The following PCDHGB7 variants were observed in gnomAD, a reference collection of about 807,000 sequenced individuals.
PCDHGB7 encodes the protein protocadherin gamma-B7.
PCDHGB7 carries 37 observed loss-of-function variants against 61.4 expected under a neutral mutation model. The ratio of observed to expected loss-of-function variants is 0.60; its 90% CI spans 0.46 to 0.79. The LOEUF (loss-of-function observed/expected upper bound fraction) is 0.79, where lower values mean the gene tolerates loss of function less well. Among genes scored for constraint, PCDHGB7 ranks in the 30% least tolerant of loss-of-function variants. The pLI is 0.00. For synonymous variants in PCDHGB7, 464 were observed against 503.5 expected (o/e 0.92, Z 1.05); for missense variants, 1,166 against 1,202.5 (o/e 0.97, Z 0.45).
In PCDHGB7 at chr5:141,476,784, C is replaced by A; in HGVS notation, c.2416-18023C>A. 1 of 1,613,520 alleles carries A rather than the reference C, an allele frequency of 6.2e-7. No homozygotes were observed. On this transcript the variant is annotated intron_variant, in intron 1 of 3. Transcript: ENST00000398594. The surrounding 1 kb of genome is among the most constrained non-coding windows in gnomAD (Gnocchi z 7.6). ...ACGGCGTTGGACGGAGGGACCCCAGCTCTCTCCGCCAGCCTGCCTATTCAC... is the reference window on the plus strand; with the variant it reads ...ACGGCGTTGGACGGAGGGACCCCAGATCTCTCCGCCAGCCTGCCTATTCAC...
chr5:141,438,591 CATATATATATAT>C lies in PCDHGB7; in HGVS notation c.2415+18351_2415+18362del, dbSNP rs946798767. ...TCTGATATACATACATACATACATACATATATATATATATATATATATATATATATATATATA... is the reference window on the plus strand; with the variant it reads ...TCTGATATACATACATACATACATACATATATATATATATATATATATATA... On this transcript the variant is annotated intron_variant, in intron 1 of 3. Coordinates refer to ENST00000398594, the MANE Select transcript of PCDHGB7 (RefSeq NM_018927.4). Among the ~76,000 whole-genome samples the C allele has an allele frequency of 1.5e-4, 11 of 75,568 alleles. No homozygotes were observed. The East Asian group carries it at 2.8e-3, about 19-fold the overall frequency. The allele number at this position is 75,568 out of a possible 152,430, so 49.6% of individuals were successfully genotyped here.
chr5:141,509,497 G>A (rs1167178592), intron 3 of PCDHGB7, among the ~76,000 whole-genome samples: 1 of 152,196 alleles, frequency 6.6e-6, no homozygotes, highest in Non-Finnish European at 1.5e-5. Flanking sequence ...TGGCATGCTG[G>A]ATGTGACGGT....
intron 1 of PCDHGB7, chr5:141,421,708 C>T (rs2096594348): frequency 1.9e-6 from 3 of 1,613,780 alleles, no homozygotes; most frequent in South Asian, 2.2e-5. Flanking sequence ...TGCTAGGGAT[C>T]CAGATGTGGG....
chr5:141,499,921 C>A, intron 2 of PCDHGB7, among the ~76,000 whole-genome samples: 1 of 152,128 alleles, frequency 6.6e-6, no homozygotes, highest in Middle Eastern at 3.2e-3. Context: ...CTCCTGGCCT[C>A]AAGTGATCCA....
intron 1 of PCDHGB7, among the ~76,000 whole-genome samples, chr5:141,461,536 T>C (rs1424913303): frequency 1.3e-5 from 2 of 152,240 alleles, no homozygotes; most frequent in Non-Finnish European, 2.9e-5. Context: ...TTCTGGATAC[T>C]AGTCCTTTGT....
chr5:141,423,374 G>T (rs1356564295), intron 1 of PCDHGB7: 2 of 1,614,188 alleles, frequency 1.2e-6, no homozygotes, highest in Admixed American at 1.7e-5. Context: ...CTGGCACTCA[G>T]GCTGTGGCGC....
chr5:141,431,440 C>T lies in PCDHGB7; in HGVS notation c.2415+11166C>T. ...ACCCGGTGCGCACAGGCACCGCGCG[C>T]ATCCGCGTGATGGTTCTGGATGCGA... is the stretch of plus-strand genomic sequence containing the variant. On this transcript the variant is annotated intron_variant, in intron 1 of 3. Transcript: ENST00000398594. The surrounding 1 kb of genome is among the most constrained non-coding windows in gnomAD (Gnocchi z 4.8). 6.2e-7 allele frequency: 1 copy of T among 1,613,754 alleles called. No homozygotes were observed.
intron 1 of PCDHGB7, among the ~76,000 whole-genome samples, chr5:141,438,635 TAC>T (rs56854727): frequency 0.14 from 4,591 of 32,686 alleles, 460 homozygotes; most frequent in Middle Eastern, 0.21. Flanking sequence ...TATATATATA[TAC>T]ACACACACAC....
At chr5:141,466,123 A>G (rs961197575) in intron 1 of PCDHGB7, among the ~76,000 whole-genome samples, 1 of 151,364 alleles carries the variant, frequency 6.6e-6, no homozygotes, top group African/African-American at 2.4e-5. Flanking sequence ...CTCCAGCTCA[A>G]AAAAAAAATC....
chr5:141,419,548 G>C lies in PCDHGB7; in HGVS notation c.1689G>C (p.Leu563=). Residue 563 remains leucine (L), a synonymous_variant, in exon 1 of 4, where the codon CTG becomes CTC. Transcript: ENST00000398594. ...GDRNDNAPRV[L]YPALGPDGSA... The stretch of plus-strand genomic sequence containing the variant: ...GTAACGACAACGCACCGCGGGTGCT[G>C]TACCCTGCGCTGGGTCCCGACGGCT... 6.2e-7 allele frequency: 1 copy of C among 1,611,976 alleles called. No individual in the cohort carries two copies. Among genetic ancestry groups the C allele is most frequent in the Non-Finnish European group, 8.5e-7 (1 of 1,179,486 alleles).
At chr5:141,488,385 G>A (rs917106670) in intron 1 of PCDHGB7, among the ~76,000 whole-genome samples, 11 of 152,164 alleles carry the variant, frequency 7.2e-5, no homozygotes, top group Non-Finnish European at 1.5e-5. Context: ...TCCTGAATTT[G>A]GTGAAACCAT....
Position 141,423,964 on chromosome 5 carries a change from A to G in PCDHGB7, c.2415+3690A>G, listed in dbSNP as rs569611136. On this transcript the variant is annotated intron_variant, in intron 1 of 3. Coordinates refer to ENST00000398594, the MANE Select transcript of PCDHGB7 (RefSeq NM_018927.4). ...AGTTGAATTTTAGTATTATTTTTCT[A>G]TTATCAGTGTATGAGGCTCTCAATT... The G allele has an allele frequency of 5.2e-5, 61 of 1,163,648 alleles. 2 individuals carry two copies. In the South Asian group the frequency reaches 1.7e-3, roughly 32 times the overall value. 72.1% of individuals were successfully genotyped at this position (1,163,648 alleles called of 1,614,324 possible).
rs2099401367 is a variant in PCDHGB7 at position 141,476,906 on chromosome 5, G to C, written c.2416-17901G>C. ...GGATGCACCCTCCGGCACGCGCGTG[G>C]TACAAGTCCTTGCAACGGATCTGGA... is the stretch of plus-strand genomic sequence containing the variant. On this transcript the variant is annotated intron_variant, in intron 1 of 3. Coordinates refer to ENST00000398594, the MANE Select transcript of PCDHGB7 (RefSeq NM_018927.4). The surrounding 1 kb of genome is among the most constrained non-coding windows in gnomAD (Gnocchi z 7.6). 2 of 1,614,050 alleles carry C rather than the reference G, an allele frequency of 1.2e-6. No homozygotes were observed. The highest frequency in any genetic ancestry group is 1.7e-6 in the Non-Finnish European group (2 of 1,180,044).
chr5:141,418,959 C>A lies in PCDHGB7; in HGVS notation c.1100C>A (p.Ala367Asp). 6.2e-7 allele frequency: 1 copy of A among 1,613,976 alleles called. No homozygotes were observed. The highest frequency in any genetic ancestry group is 2.2e-5 in the East Asian group (1 of 44,884). ...MEDSPPGVVVALFKTRDQDSG... is the reference protein window; with the variant it reads ...MEDSPPGVVVDLFKTRDQDSG... ...GATTCCCCTCCAGGAGTGGTTGTTG[C>A]CCTCTTCAAAACACGGGACCAAGAC... The change falls in exon 1 of 4, where the codon GCC becomes GAC. Residue 367 changes from alanine to aspartate, a missense_variant. Ala to Asp is a moderately radical substitution (Grantham distance 126). Coordinates refer to ENST00000398594, the MANE Select transcript of PCDHGB7 (RefSeq NM_018927.4).
chr5:141,439,354 C>G (rs746525653), intron 1 of PCDHGB7, among the ~76,000 whole-genome samples: 7 of 152,186 alleles, frequency 4.6e-5, no homozygotes, highest in Admixed American at 4.6e-4. Context: ...TACAAATACT[C>G]AAACATCAAG....
chr5:141,501,164 G>C (rs991995325), intron 2 of PCDHGB7, among the ~76,000 whole-genome samples: 32 of 152,144 alleles, frequency 2.1e-4, no homozygotes, highest in African/African-American at 7.7e-4. Context: ...ACCATCCCCA[G>C]CCTCATTTAC....
chr5:141,476,205 C>G lies in PCDHGB7; in HGVS notation c.2416-18602C>G. ...CTGCTTGGTGCCTTGAACAAGGCTT[C>G]CACGGTCATTCACTATGAGATCCCG... On this transcript the variant is annotated intron_variant, in intron 1 of 3. Transcript: ENST00000398594. The surrounding 1 kb of genome is among the most constrained non-coding windows in gnomAD (Gnocchi z 7.6). 1 of 1,613,892 alleles carries G rather than the reference C, an allele frequency of 6.2e-7. No homozygotes were observed. Among genetic ancestry groups the G allele is most frequent in the Non-Finnish European group, 8.5e-7 (1 of 1,180,012 alleles).
intron 2 of PCDHGB7, among the ~76,000 whole-genome samples, chr5:141,500,281 T>A (rs1254933339): frequency 2.0e-5 from 3 of 151,934 alleles, no homozygotes; most frequent in Non-Finnish European, 4.4e-5. Context: ...CAATCTCGGC[T>A]CACTGCAAGC....
intron 2 of PCDHGB7, among the ~76,000 whole-genome samples, chr5:141,501,057 C>T (rs185929124): frequency 9.7e-4 from 147 of 151,960 alleles, no homozygotes; most frequent in African/African-American, 3.4e-3. Context: ...TTAGTAGAGA[C>T]GGGGTTTCAC....
Sources: gnomAD v4.1 joint callset for allele counts (sites outside exome capture counted in the v4.1 genomes callset) on GRCh38, gnomAD v4.1.1 for gene constraint, Gnocchi (gnomAD v3.1) non-coding constraint, MANE v1.5 for transcripts, NCBI Gene and HGNC (gene_info 2026-07-23, HGNC 2026-07-21) for gene names.